TYRP1: variants seen among roughly 807,000 people sequenced by gnomAD.
TYRP1 encodes the protein tyrosinase related protein 1, also known as 5,6-dihydroxyindole-2-carboxylic acid oxidase.
Under a neutral mutation model 42.8 loss-of-function variants are expected in TYRP1, and 49 were observed. That is an observed-to-expected ratio of 1.14 (90% confidence interval 0.91 to 1.45). TYRP1 has a LOEUF of 1.45. Ranked by LOEUF, TYRP1 falls within the 40% of genes most tolerant of loss-of-function variation. The probability of loss-of-function intolerance (pLI) is 0.00; values close to 1 mark genes in which losing one functional copy is unlikely to be tolerated. For missense variants in TYRP1, 848 were observed against 662.0 expected, an observed-to-expected ratio of 1.28 and a Z score of -3.08; for synonymous variants, 279 against 235.4, an observed-to-expected ratio of 1.19 and a Z score of -1.69.
Position 12,709,241 on chromosome 9 carries a change from A to C in TYRP1, c.*59A>C, listed in dbSNP as rs140364108. 159 of 1,467,936 alleles carry C rather than the reference A, an allele frequency of 1.1e-4. No homozygotes were observed. The East Asian group carries it at 3.6e-3, about 33-fold the overall frequency. The allele number at this position is 1,467,936 out of a possible 1,614,324, so 90.9% of individuals were successfully genotyped here. A position where few individuals can be genotyped will look rare whatever the true frequency, so the allele number is the denominator to read the frequency against. ...AAAACCACCTGGTTGAATATAATAG[A>C]TTGAGTTATTAACTGTATTTTCTTT... On this transcript the variant is annotated 3_prime_UTR_variant, in exon 8 of 8. Coordinates refer to ENST00000388918, the MANE Select transcript of TYRP1 (RefSeq NM_000550.3).
intron 3 of TYRP1, among the ~76,000 whole-genome samples, chr9:12,698,217 A>G (rs1818107544): frequency 6.6e-6 from 1 of 152,166 alleles, no homozygotes; most frequent in African/African-American, 2.4e-5. Flanking sequence ...AAATGTCTGC[A>G]TAATGAGTTG....
chr9:12,698,645 A>G lies in TYRP1; in HGVS notation c.903A>G (p.Thr301=), dbSNP rs1818117018. 6.2e-7 allele frequency: 1 copy of G among 1,613,358 alleles called. No homozygotes were observed. Among genetic ancestry groups the G allele is most frequent in the South Asian group, 1.1e-5 (1 of 91,076 alleles). Residue 301 remains threonine, a synonymous_variant, in exon 4 of 8, where the codon ACA becomes ACG. Coordinates refer to ENST00000388918, the MANE Select transcript of TYRP1 (RefSeq NM_000550.3). ...TGGAAGATTATGATACCCTGGGAAC[A>G]CTTTGTAACAGTAAGTTCCAAATGA... is the stretch of plus-strand genomic sequence containing the variant. ...DSLEDYDTLG[T]LCNSTEDGPI...
At chr9:12,706,117 G>A (rs528545541) in intron 6 of TYRP1, among the ~76,000 whole-genome samples, 2 of 152,016 alleles carry the variant, frequency 1.3e-5, no homozygotes, top group East Asian at 1.9e-4. Context: ...TGTTTAACTA[G>A]ATTACTTTTA....
chr9:12,709,006 G>A lies in TYRP1; in HGVS notation c.1438G>A (p.Ala480Thr). The change falls in exon 8 of 8, where the codon GCC becomes ACC. Residue 480 changes from alanine (A) to threonine (T), a missense_variant. Coordinates refer to ENST00000388918, the MANE Select transcript of TYRP1 (RefSeq NM_000550.3). Reference sequence around the variant, plus strand: ...GGAGTTTAGTGTACCTGAGATAATTGCCATAGCAGTAGTTGGCGCTTTGTT... The same window carrying A: ...GGAGTTTAGTGTACCTGAGATAATTACCATAGCAGTAGTTGGCGCTTTGTT... Reference protein sequence around the residue: ...SREFSVPEIIAIAVVGALLLV... With the variant: ...SREFSVPEIITIAVVGALLLV... The A allele has an allele frequency of 6.2e-7, 1 of 1,612,428 alleles. No individual in the cohort carries two copies. Among genetic ancestry groups the A allele is most frequent in the Middle Eastern group, 1.7e-4 (1 of 6,058 alleles).
Position 12,698,494 on chromosome 9 carries a change from T to C in TYRP1, c.752T>C (p.Phe251Ser). 6.2e-7 allele frequency: 1 copy of C among 1,613,822 alleles called. No individual in the cohort carries two copies. The highest frequency in any genetic ancestry group is 1.3e-5 in the African/African-American group (1 of 75,026). ...TCTTTCTCCCTTCCTTACTGGAATTTTGCAACGGGGAAAAATGTCTGTGAT... is the reference window on the plus strand; with the variant it reads ...TCTTTCTCCCTTCCTTACTGGAATTCTGCAACGGGGAAAAATGTCTGTGAT... The part of the protein sequence containing the change: ...EPSFSLPYWN[F>S]ATGKNVCDIC... Residue 251 changes from phenylalanine (F) to serine (S), a missense_variant, in exon 4 of 8, where the codon TTT becomes TCT. Transcript: ENST00000388918.
rs781089453 is a variant in TYRP1 at position 12,694,163 on chromosome 9, G to C, written c.167G>C (p.Cys56Ser). Residue 56 changes from cysteine to serine, a missense_variant, in exon 2 of 8, where the codon TGT becomes TCT. Transcript: ENST00000388918. ...SPVSGPGTDR[C>S]GSSSGRGRCE... Reference sequence around the variant, plus strand: ...GTGTCTGGGCCTGGGACAGACCGCTGTGGCTCATCATCAGGGAGGGGCAGA... The same window carrying C: ...GTGTCTGGGCCTGGGACAGACCGCTCTGGCTCATCATCAGGGAGGGGCAGA... 1 of 1,614,040 alleles carries C rather than the reference G, an allele frequency of 6.2e-7. No homozygotes were observed. Among genetic ancestry groups the C allele is most frequent in the South Asian group, 1.1e-5 (1 of 91,070 alleles).
At chr9:12,704,748 A>G in intron 6 of TYRP1, 43 bp downstream of exon 6, 1 of 1,581,996 alleles carries the variant, frequency 6.3e-7, no homozygotes. Flanking sequence ...AGCTGGGCGG[A>G]TTGTTTAGAT....
chr9:12,704,964 C>T (rs926557350), intron 6 of TYRP1, among the ~76,000 whole-genome samples: 26 of 151,962 alleles, frequency 1.7e-4, no homozygotes, highest in South Asian at 4.2e-4. Flanking sequence ...ATTTTTGCTA[C>T]GAAAAAATGG....
At position 12,693,576 on chromosome 9, in the gene TYRP1, T is replaced by C. The variant is rs143738499; in HGVS notation, c.-86+98T>C. 8.9e-3 allele frequency: 1,651 copies of C among 184,942 alleles called. 29 individuals are homozygous for C. Among genetic ancestry groups the C allele is most frequent in the African/African-American group, 0.037 (1,531 of 41,850 alleles). 11.5% of individuals were successfully genotyped at this position (184,942 alleles called of 1,614,324 possible). ...CACAGAAATTAACTTGCTGGAAATC[T>C]GTTCCCAATTCTTCCTTCAGCTCCA... is the stretch of plus-strand genomic sequence containing the variant. On this transcript the variant is annotated intron_variant, in intron 1 of 7. Transcript: ENST00000388918.
At position 12,702,322 on chromosome 9, in the gene TYRP1, CA is replaced by C. The variant is rs1563855005; in HGVS notation, c.967del (p.Met323TrpfsTer62). The C allele has an allele frequency of 6.2e-7, 1 of 1,613,150 alleles. No individual in the cohort carries two copies. The highest frequency in any genetic ancestry group is 2.2e-5 in the East Asian group (1 of 44,824). On this transcript the variant is annotated frameshift_variant, in exon 5 of 8. Transcript: ENST00000388918. LOFTEE classifies it high-confidence loss of function. ...RRNPAGNVAR[P>X]MVQRLPEPQD... Reference sequence around the variant, plus strand: ...AATCCAGCTGGAAATGTGGCCAGACCAATGGTGCAACGTCTTCCTGAACCAC... The same window carrying C: ...AATCCAGCTGGAAATGTGGCCAGACCATGGTGCAACGTCTTCCTGAACCAC...
rs41303649 is a variant in TYRP1, at chr9:12,708,681, T to C, written c.1409-296T>C. On this transcript the variant is annotated intron_variant, in intron 7 of 7. Transcript: ENST00000388918. ...AGTACAAGACTTATATTCTAAAATA[T>C]CCGGGCTCCAAAGCCAACTTTATTG... Among the ~76,000 whole-genome samples, 1,232 of 152,084 alleles carry C rather than the reference T, an allele frequency of 8.1e-3. 18 individuals are homozygous for C. The highest frequency in any genetic ancestry group is 0.028 in the African/African-American group (1,156 of 41,540).
intron 4 of TYRP1, 129 bp downstream of exon 4, chr9:12,698,784 T>C: frequency 3.3e-6 from 3 of 900,896 alleles, no homozygotes; most frequent in Non-Finnish European, 5.2e-6. Flanking sequence ...AGAGTAACAG[T>C]GTACCAGGCA....
rs548368372 is a variant in TYRP1 at position 12,702,799 on chromosome 9, G to T, written c.1081+361G>T. Among the ~76,000 whole-genome samples, 63 of 149,036 alleles carry T rather than the reference G, an allele frequency of 4.2e-4. No homozygotes were observed. In the South Asian group the frequency reaches 4.5e-3, roughly 11 times the overall value. ...TTTGACAGTGTATTAAATTAGTTTA[G>T]TTTTTTTTTTAAATAGAGTAATAAA... On this transcript the variant is annotated intron_variant, in intron 5 of 7. Transcript: ENST00000388918.
Position 12,694,004 on chromosome 9 carries a change from CT to C in TYRP1, c.9del (p.Pro4LeufsTer33), listed in dbSNP as rs1563851362. Reference protein sequence around the residue: MSAPKLLSLGCIF... With the variant: MSXPKLLSLGCIF... The stretch of plus-strand genomic sequence containing the variant: ...ACTCTTATTTCAAGCAGAATGAGTG[CT>C]CCTAAACTCCTCTCTCTGGGCTGTA... On this transcript the variant is annotated frameshift_variant, in exon 2 of 8. Transcript: ENST00000388918. LOFTEE classifies it high-confidence loss of function. 5 of 1,614,000 alleles carry C rather than the reference CT, an allele frequency of 3.1e-6. No homozygotes were observed.
chr9:12,704,466 A>T, intron 5 of TYRP1, 60 bp from the exon 6 acceptor site: 1 of 1,570,320 alleles, frequency 6.4e-7, no homozygotes, highest in South Asian at 1.1e-5. Context: ...CATTGCTATT[A>T]CCTGGAAAAG....
At chr9:12,703,198 T>C (rs1228828628) in intron 5 of TYRP1, among the ~76,000 whole-genome samples, 1 of 151,952 alleles carries the variant, frequency 6.6e-6, no homozygotes, top group African/African-American at 2.4e-5. Context: ...TTGTTATTGT[T>C]AAATTTTTAC....
intron 4 of TYRP1, 58 bp downstream of exon 4, chr9:12,698,713 A>G: frequency 6.6e-7 from 1 of 1,522,616 alleles, no homozygotes; most frequent in Non-Finnish European, 9.1e-7. Context: ...GAGATTAAAT[A>G]TGTTGCCTGA....
In TYRP1 at chr9:12,694,358, C is replaced by T. The variant is rs1324125893; in HGVS notation, c.362C>T (p.Ala121Val). The T allele has an allele frequency of 5.0e-6, 8 of 1,613,850 alleles. No individual in the cohort carries two copies. The highest frequency in any genetic ancestry group is 5.9e-6 in the Non-Finnish European group (7 of 1,179,998). ...TGCCGTCCTGGCTGGAGAGGAGCTG[C>T]CTGTGACCAGAGGGTTCTCATAGGT... ...GTCRPGWRGA[A>V]CDQRVLIVRR... Residue 121 changes from alanine to valine, a missense_variant, in exon 2 of 8, where the codon GCC becomes GTC. By Grantham distance (64) the Ala-to-Val change is moderately conservative. Coordinates refer to ENST00000388918, the MANE Select transcript of TYRP1 (RefSeq NM_000550.3).
intron 4 of TYRP1, among the ~76,000 whole-genome samples, chr9:12,698,983 T>G (rs1298619990): frequency 2.0e-5 from 3 of 152,134 alleles, no homozygotes; most frequent in African/African-American, 7.2e-5. Context: ...AGAAGTCATG[T>G]GTCTTGTGTT....
Sources: gnomAD v4.1 joint callset for allele counts (sites outside exome capture counted in the v4.1 genomes callset) on GRCh38, gnomAD v4.1.1 for gene constraint, MANE v1.5 for transcripts, NCBI Gene and HGNC (gene_info 2026-07-23, HGNC 2026-07-21) for gene names.